ZNF512B: variants seen among roughly 807,000 people sequenced by gnomAD.
The protein encoded by ZNF512B is zinc finger protein 512B.
A neutral mutation model predicts 87.8 loss-of-function variants in ZNF512B; 22 were observed. The ratio of observed to expected loss-of-function variants is 0.25; its 90% CI spans 0.18 to 0.36. The LOEUF (loss-of-function observed/expected upper bound fraction) is 0.36, where lower values mean the gene tolerates loss of function less well. ZNF512B is among the 10% of genes least tolerant of loss of function. The pLI, the probability that ZNF512B is intolerant of heterozygous loss-of-function variation, is 1.00. For missense variants in ZNF512B, 1,060 were observed against 1,231.6 expected (o/e 0.86, Z 2.09); for synonymous variants, 524 against 490.9 (o/e 1.07, Z -0.89).
chr20:63,966,518 G>A lies in ZNF512B; in HGVS notation c.657C>T (p.Gly219=), dbSNP rs2058929133. Residue 219 remains glycine, a synonymous_variant, in exon 5 of 17, where the codon GGC becomes GGT. Transcript: ENST00000369888. Reference sequence around the variant, plus strand: ...TGGCCTTGGTGACTGGCATGGGTCTGCCGACCGAGACTGGCTTGCTGATGC... The same window carrying A: ...TGGCCTTGGTGACTGGCATGGGTCTACCGACCGAGACTGGCTTGCTGATGC... The part of the protein sequence containing the change: ...PIGISKPVSV[G]RPMPVTKAIP... The A allele has an allele frequency of 1.2e-6, 2 of 1,614,008 alleles. No individual in the cohort carries two copies. Among genetic ancestry groups the A allele is most frequent in the East Asian group, 2.2e-5 (1 of 44,896 alleles).
intron 12 of ZNF512B, among the ~76,000 whole-genome samples, 154 bp from the exon 13 acceptor site, chr20:63,962,935 T>C (rs1210793838): frequency 6.6e-6 from 1 of 151,998 alleles, no homozygotes; most frequent in East Asian, 1.9e-4. Context: ...ACACGGAGGT[T>C]TCACCCTCCC....
At chr20:63,963,977 C>G in intron 8 of ZNF512B, 64 bp from the exon 9 acceptor site, 1 of 1,598,718 alleles carries the variant, frequency 6.3e-7, no homozygotes, top group South Asian at 1.1e-5. Context: ...ACGCCAGGCA[C>G]AGAATCCAGT....
At chr20:63,964,030 C>A (rs753718176) in intron 8 of ZNF512B, 41 bp downstream of exon 8, 1 of 1,595,458 alleles carries the variant, frequency 6.3e-7, no homozygotes, top group South Asian at 1.1e-5. Flanking sequence ...GATCTACCCG[C>A]CGTCTAGAGC....
At position 63,966,695 on chromosome 20, in the gene ZNF512B, G is replaced by A. The variant is rs139513654; in HGVS notation, c.480C>T (p.Ile160=). The A allele has an allele frequency of 3.7e-6, 6 of 1,611,992 alleles. No individual in the cohort carries two copies. The African/African-American group carries it at 8.0e-5, about 22-fold the overall frequency. ...TSKTQLEKHR[I]WNHMDRPLPA... ...GCAGGGGTCGGTCCATGTGGTTCCA[G>A]ATCCGGTGTTTCTCCAGCTGGGTCT... Residue 160 remains isoleucine, a synonymous_variant, in exon 5 of 17, where the codon ATC becomes ATT. Transcript: ENST00000369888.
chr20:63,966,172 G>A lies in ZNF512B; in HGVS notation c.1003C>T (p.Arg335Cys), dbSNP rs371234637. ...LLTRSENKAPRATGRNSGKKR... is the reference protein window; with the variant it reads ...LLTRSENKAPCATGRNSGKKR... ...TTACCACTGTTCCTCCCTGTGGCACGAGGTGCTTTGTTCTCCGACCTGGTC... is the reference window on the plus strand; with the variant it reads ...TTACCACTGTTCCTCCCTGTGGCACAAGGTGCTTTGTTCTCCGACCTGGTC... Residue 335 changes from arginine (R) to cysteine (C), a missense_variant, in exon 5 of 17, where the codon CGT becomes TGT. Around this residue, in one of 9 missense-constraint regions of ZNF512B, gnomAD observed 12 missense variants for 32.0 expected, o/e 0.38. Transcript: ENST00000369888. 54 of 1,613,414 alleles carry A rather than the reference G, an allele frequency of 3.3e-5. No homozygotes were observed. Among genetic ancestry groups the A allele is most frequent in the African/African-American group, 2.3e-4 (17 of 74,864 alleles).
chr20:63,959,650 G>C lies in ZNF512B; in HGVS notation c.*238C>G. On this transcript the variant is annotated 3_prime_UTR_variant, in exon 17 of 17. Coordinates refer to ENST00000369888, the MANE Select transcript of ZNF512B (RefSeq NM_020713.3). Reference sequence around the variant, plus strand: ...CCCATGAGGAGGGGCAACCCTCCTGGCTATTGCACTTCTGCTGGGCACACC... The same window carrying C: ...CCCATGAGGAGGGGCAACCCTCCTGCCTATTGCACTTCTGCTGGGCACACC... 1 of 550,840 alleles carries C rather than the reference G, an allele frequency of 1.8e-6. No individual in the cohort carries two copies. Among genetic ancestry groups the C allele is most frequent in the Non-Finnish European group, 3.1e-6 (1 of 324,022 alleles). 34.1% of individuals were successfully genotyped at this position (550,840 alleles called of 1,614,324 possible).
chr20:63,963,012 A>C, intron 12 of ZNF512B, 83 bp downstream of exon 12: 1 of 1,447,410 alleles, frequency 6.9e-7, no homozygotes, highest in Admixed American at 2.3e-5. Flanking sequence ...GTACATGGAC[A>C]AATACAGTTG....
At chr20:63,963,767 C>T (rs764839173) in intron 9 of ZNF512B, 22 bp downstream of exon 9, 14 of 1,612,956 alleles carry the variant, frequency 8.7e-6, no homozygotes, top group South Asian at 3.3e-5. Flanking sequence ...TCCCTCCCAG[C>T]GCCTTCCGGG....
chr20:63,962,066 C>T (rs951735470), intron 14 of ZNF512B, 62 bp from the exon 15 acceptor site: 3 of 1,518,284 alleles, frequency 2.0e-6, no homozygotes, highest in African/African-American at 2.8e-5. Flanking sequence ...AGATATACCC[C>T]TGCCCTACCC....
intron 16 of ZNF512B, 88 bp from the exon 17 acceptor site, chr20:63,960,227 C>T: frequency 6.5e-7 from 1 of 1,547,192 alleles, no homozygotes; most frequent in South Asian, 1.2e-5. Context: ...GACCTGTCAG[C>T]CTTCAGGACC....
In ZNF512B at chr20:63,963,864, G is replaced by A. The variant is rs373484076; in HGVS notation, c.1530C>T (p.Ala510=). The A allele has an allele frequency of 1.1e-5, 18 of 1,612,478 alleles. No homozygotes were observed. The highest frequency in any genetic ancestry group is 2.7e-5 in the African/African-American group (2 of 74,944). The part of the protein sequence containing the change: ...WQRAIHERGE[A]VCPTCNVVTR... ...TGACCACGTTGCAGGTGGGGCAGAC[G>A]GCTTCCCCGCGCTCATGGATGGCCC... Residue 510 remains alanine, a synonymous_variant, in exon 9 of 17, where the codon GCC becomes GCT. Transcript: ENST00000369888.
In ZNF512B at chr20:63,966,272, C is replaced by T. The variant is rs1424777056; in HGVS notation, c.903G>A (p.Val301=). 9 of 1,613,536 alleles carry T rather than the reference C, an allele frequency of 5.6e-6. No individual in the cohort carries two copies. The highest frequency in any genetic ancestry group is 6.8e-6 in the Non-Finnish European group (8 of 1,179,974). ...TKPVTVSRPI[V]VSKPVTVSRP... ...TGCTGACTGTCACCGGCTTGCTGAC[C>T]ACAATGGGCCTGCTGACTGTCACTG... Residue 301 remains valine (V), a synonymous_variant, in exon 5 of 17, where the codon GTG becomes GTA. Transcript: ENST00000369888.
intron 12 of ZNF512B, 88 bp downstream of exon 12, chr20:63,963,007 T>C (rs2146887655): frequency 1.4e-6 from 2 of 1,437,716 alleles, no homozygotes; most frequent in Non-Finnish European, 9.2e-7. Context: ...GGGCGGTACA[T>C]GGACAAATAC....
At position 63,967,396 on chromosome 20, in the gene ZNF512B, G is replaced by A. The variant is rs775822079; in HGVS notation, c.249C>T (p.Ala83=). The part of the protein sequence containing the change: ...KKGRPKAENQ[A]LRDIPLSLMN... The stretch of plus-strand genomic sequence containing the variant: ...GGGAGCTCACAGGAATGTCTCGGAG[G>A]GCCTGGTTCTCGGCTTTTGGCCGCC... Residue 83 remains alanine, a synonymous_variant, in exon 3 of 17, where the codon GCC becomes GCT. Transcript: ENST00000369888. The A allele has an allele frequency of 8.1e-6, 13 of 1,610,298 alleles. No individual in the cohort carries two copies. The highest frequency in any genetic ancestry group is 3.3e-5 in the Admixed American group (2 of 59,706).
At chr20:63,964,012 T>G in intron 8 of ZNF512B, 59 bp downstream of exon 8, 1 of 1,594,242 alleles carries the variant, frequency 6.3e-7, no homozygotes, top group Admixed American at 1.7e-5. Context: ...CCCATCCCTG[T>G]GCTGTGGGAT....
At chr20:63,969,150 C>G in intron 1 of ZNF512B, 1 of 985,482 alleles carries the variant, frequency 1.0e-6, no homozygotes, top group Non-Finnish European at 1.2e-6. Context: ...TGAAAGGAGA[C>G]AGGGCCGGCA....
intron 12 of ZNF512B, 73 bp downstream of exon 12, chr20:63,963,022 G>A: frequency 6.9e-7 from 1 of 1,454,646 alleles, no homozygotes; most frequent in Non-Finnish European, 9.1e-7. Context: ...AAATACAGTT[G>A]GCACCCAAGG....
intron 1 of ZNF512B, 77 bp from the exon 2 acceptor site, chr20:63,968,029 G>A (rs2058946047): frequency 2.0e-6 from 3 of 1,531,718 alleles, no homozygotes; most frequent in Non-Finnish European, 8.8e-7. Flanking sequence ...CTGGAGCCCT[G>A]CCCTTGGCAG....
chr20:63,967,933 G>A lies in ZNF512B; in HGVS notation c.18C>T (p.Cys6=), dbSNP rs747019099. The A allele has an allele frequency of 1.7e-5, 27 of 1,611,466 alleles. No homozygotes were observed. Among genetic ancestry groups the A allele is most frequent in the African/African-American group, 2.7e-5 (2 of 74,908 alleles). ...ACCCCGGGAGCCGACGGCCTCCAAC[G>A]CAGAAAGGATCCGTCATCTCTGCAG... MTDPF[C]VGGRRLPGSS... Residue 6 remains cysteine, a synonymous_variant, in exon 2 of 17, where the codon TGC becomes TGT. Transcript: ENST00000369888.
Sources: allele counts gnomAD v4.1 joint callset (sites outside exome capture counted in the v4.1 genomes callset), GRCh38; gene constraint gnomAD v4.1.1; regional missense constraint gnomAD v4.1.1; transcripts MANE v1.5; gene names NCBI Gene and HGNC (gene_info 2026-07-23, HGNC 2026-07-21).